ADAMTS13: variants seen among roughly 807,000 people sequenced by gnomAD.
ADAMTS13 encodes the protein ADAM metallopeptidase with thrombospondin type 1 motif 13, also known as A disintegrin and metalloproteinase with thrombospondin motifs 13.
ADAMTS13 carries 110 observed loss-of-function variants against 155.1 expected under a neutral mutation model. The observed-to-expected ratio is 0.71, with a 90% CI of 0.61 to 0.83. The LOEUF (loss-of-function observed/expected upper bound fraction) is 0.83. Ranked by LOEUF, ADAMTS13 falls within the 40% of genes least tolerant of loss-of-function variation. ADAMTS13 has a pLI of 0.00. For synonymous variants in ADAMTS13, 758 were observed against 756.4 expected, an observed-to-expected ratio of 1.00 and a Z score of -0.03; for missense variants, 1,707 against 1,891.7, an observed-to-expected ratio of 0.90 and a Z score of 1.81.
rs1840232693 is a variant in ADAMTS13, at chr9:133,425,662, G to A, written c.414+50G>A. ...ACACCATACAGAGCGGGAAGCCCAA[G>A]TCATCGCATCTCCATCCTCTTTAAC... is the stretch of plus-strand genomic sequence containing the variant. On this transcript the variant is annotated intron_variant, in intron 4 of 28. Coordinates refer to ENST00000355699, the MANE Select transcript of ADAMTS13 (RefSeq NM_139027.6). The surrounding 1 kb of genome is among the most constrained non-coding windows in gnomAD (Gnocchi z 4.6). 1.3e-6 allele frequency: 2 copies of A among 1,580,648 alleles called. No homozygotes were observed. The highest frequency in any genetic ancestry group is 2.3e-5 in the South Asian group (2 of 88,542).
intron 9 of ADAMTS13, among the ~76,000 whole-genome samples, chr9:133,432,998 T>C (rs1008001030): frequency 4.0e-5 from 6 of 150,248 alleles, no homozygotes; most frequent in South Asian, 2.1e-4. Flanking sequence ...GATCCCTGTG[T>C]AAGGGGTCCC....
chr9:133,417,686 G>A (rs1554781958), upstream of ADAMTS13: 1 of 1,614,082 alleles, frequency 6.2e-7, no homozygotes, highest in Non-Finnish European at 8.5e-7. Flanking sequence ...CCACAGCACC[G>A]GGGCCGCTTG....
chr9:133,432,601 C>T lies in ADAMTS13; in HGVS notation c.1001C>T (p.Ala334Val), dbSNP rs1554787771. The T allele has an allele frequency of 6.4e-7, 1 of 1,552,984 alleles. No individual in the cohort carries two copies. Among genetic ancestry groups the T allele is most frequent in the African/African-American group, 1.4e-5 (1 of 73,316 alleles). ...FAREHLDMCQALSCHTDPLDQ... is the reference protein window; with the variant it reads ...FAREHLDMCQVLSCHTDPLDQ... ...CCACCCTCCTAGGATATGTGCCAGG[C>T]CCTCTCCTGCCACACAGACCCGCTG... Residue 334 changes from alanine (A) to valine (V), a missense_variant, in exon 9 of 29, where the codon GCC becomes GTC. Ala to Val is a moderately conservative substitution (Grantham distance 64). This residue lies in a region of ADAMTS13 where 733 missense variants were observed against 749.6 expected (regional missense o/e 0.98). Coordinates refer to ENST00000355699, the MANE Select transcript of ADAMTS13 (RefSeq NM_139027.6).
intron 8 of ADAMTS13, chr9:133,430,327 A>G (rs1840658100): frequency 1.5e-6 from 1 of 686,530 alleles, no homozygotes; most frequent in African/African-American, 1.8e-5. Flanking sequence ...CAAATTATGT[A>G]GCTAGTCCTG....
intron 8 of ADAMTS13, among the ~76,000 whole-genome samples, chr9:133,431,017 G>A (rs892248940): frequency 1.3e-5 from 2 of 152,036 alleles, no homozygotes; most frequent in Non-Finnish European, 2.9e-5. Flanking sequence ...CCAGGGTGGA[G>A]TGCAGTAGCA....
intron 23 of ADAMTS13, among the ~76,000 whole-genome samples, chr9:133,450,380 C>T (rs782496833): frequency 4.3e-4 from 66 of 151,874 alleles, no homozygotes; most frequent in South Asian, 8.3e-4. Context: ...ACCAGCCTGT[C>T]CAACATACAG....
At position 133,436,842 on chromosome 9, in the gene ADAMTS13, C is replaced by G. The variant is rs902019660; in HGVS notation, c.1322C>G (p.Thr441Ser). 1 of 1,530,626 alleles carries G rather than the reference C, an allele frequency of 6.5e-7. No homozygotes were observed. The highest frequency in any genetic ancestry group is 8.8e-7 in the Non-Finnish European group (1 of 1,133,714). The allele number at this position is 1,530,626 out of a possible 1,614,324, so 94.8% of individuals were successfully genotyped here. The change falls in exon 12 of 29, where the codon ACC becomes AGC. Residue 441 changes from threonine (T) to serine (S), a missense_variant. Thr to Ser is a moderately conservative substitution (Grantham distance 58). Coordinates refer to ENST00000355699, the MANE Select transcript of ADAMTS13 (RefSeq NM_139027.6). ...CCTCCTGGCCAGGCCTGCGAGAAGA[C>G]CCAGCTGGAGTTCATGTCGCAACAG... Reference protein sequence around the residue: ...EMCNTQACEKTQLEFMSQQCA... With the variant: ...EMCNTQACEKSQLEFMSQQCA...
At chr9:133,414,674 G>A (rs1434155462) in intron 1 of ADAMTS13, 2 of 1,613,536 alleles carry the variant, frequency 1.2e-6, no homozygotes, top group African/African-American at 1.3e-5. Flanking sequence ...CTCGGTGGGT[G>A]GGGCTGGGGC....
Position 133,414,524 on chromosome 9 carries a change from A to G in ADAMTS13, n.167A>G, listed in dbSNP as rs782584857. The G allele has an allele frequency of 1.7e-5, 14 of 800,992 alleles. No individual in the cohort carries two copies. The Admixed American group carries it at 2.7e-4, about 15-fold the overall frequency. The allele number at this position is 800,992 out of a possible 1,614,324, so 49.6% of individuals were successfully genotyped here. On this transcript the variant is annotated non_coding_transcript_exon_variant, in exon 1 of 18. Transcript: ENST00000485925. ...CGCACACTCTAGGGGAAAACAAGTA[A>G]CAGCGAGTAAACAAAGGAACAGACG...
upstream of ADAMTS13, chr9:133,417,990 G>T: frequency 1.4e-6 from 1 of 707,822 alleles, no homozygotes; most frequent in Non-Finnish European, 2.3e-6. Flanking sequence ...CTCCGGAAGA[G>T]ACCCCGCACG....
At chr9:133,455,906 C>A in intron 25 of ADAMTS13, 163 bp from the exon 26 acceptor site, 1 of 923,412 alleles carries the variant, frequency 1.1e-6, no homozygotes, top group Non-Finnish European at 1.7e-6. Flanking sequence ...GATGCTCTGA[C>A]CTATGCAGCC....
Position 133,442,438 on chromosome 9 carries a change from C to T in ADAMTS13, c.2008C>T (p.Arg670Cys), listed in dbSNP as rs139214644. The T allele has an allele frequency of 2.0e-5, 32 of 1,613,910 alleles. No individual in the cohort carries two copies. The African/African-American group carries it at 2.7e-4, about 13-fold the overall frequency. ...RYGEEYGNLTRPDITFTYFQP... is the reference protein window; with the variant it reads ...RYGEEYGNLTCPDITFTYFQP... ...TGGCGAGGAGTATGGCAACCTCACC[C>T]GCCCAGACATCACCTTCACCTACTT... is the stretch of plus-strand genomic sequence containing the variant. The change falls in exon 17 of 29, where the codon CGC (arginine) becomes TGC (cysteine). Residue 670 changes from arginine to cysteine, a missense_variant. Physicochemically the swap from Arg to Cys is radical, Grantham distance 180 (BLOSUM62 -3). This residue lies in a region of ADAMTS13 where 961 missense variants were observed against 1,107.9 expected (regional missense o/e 0.87). Coordinates refer to ENST00000355699, the MANE Select transcript of ADAMTS13 (RefSeq NM_139027.6).
At chr9:133,419,456 G>T (rs1839855707), upstream of ADAMTS13, among the ~76,000 whole-genome samples, 1 of 152,204 alleles carries the variant, frequency 6.6e-6, no homozygotes, top group Non-Finnish European at 1.5e-5. Context: ...GTTGAAACAT[G>T]AACCTGGGTT....
In ADAMTS13 at chr9:133,448,614, G is replaced by A. The variant is rs942284362; in HGVS notation, c.2747G>A (p.Arg916His). Reference sequence around the variant, plus strand: ...GTCCACGCAGGTCTGATGGAGCTGCGTTTCCTGTGCATGGACTCTGCCCTC... The same window carrying A: ...GTCCACGCAGGTCTGATGGAGCTGCATTTCCTGTGCATGGACTCTGCCCTC... ...VSCGRGLMEL[R>H]FLCMDSALRV... The change falls in exon 22 of 29, where the codon CGT becomes CAT. Residue 916 changes from arginine to histidine, a missense_variant. This residue lies in a region of ADAMTS13 where 961 missense variants were observed against 1,107.9 expected (regional missense o/e 0.87). Coordinates refer to ENST00000355699, the MANE Select transcript of ADAMTS13 (RefSeq NM_139027.6). The A allele has an allele frequency of 3.4e-5, 54 of 1,610,324 alleles. No homozygotes were observed. The highest frequency in any genetic ancestry group is 5.3e-5 in the African/African-American group (4 of 74,928).
In ADAMTS13 at chr9:133,459,038, CAGAG is replaced by C. The variant is rs1842933719; in HGVS notation, c.3977_3980del (p.Glu1326AlafsTer13). 1 of 1,613,066 alleles carries C rather than the reference CAGAG, an allele frequency of 6.2e-7. No individual in the cohort carries two copies. The highest frequency in any genetic ancestry group is 8.5e-7 in the Non-Finnish European group (1 of 1,180,006). On this transcript the variant is annotated frameshift_variant, in exon 29 of 29. Coordinates refer to ENST00000355699, the MANE Select transcript of ADAMTS13 (RefSeq NM_139027.6). LOFTEE classifies it low-confidence loss of function (END_TRUNC). Reference sequence around the variant, plus strand: ...GGGCAGCAGGTGCTCTACTGGGAGTCAGAGAGCAGCCAGGCTGAGATGGAGTTCA... The same window carrying C: ...GGGCAGCAGGTGCTCTACTGGGAGTCAGCAGCCAGGCTGAGATGGAGTTCA...
intron 6 of ADAMTS13, among the ~76,000 whole-genome samples, chr9:133,427,521 AGG>A (rs1423140976): frequency 6.6e-6 from 1 of 152,082 alleles, no homozygotes; most frequent in Non-Finnish European, 1.5e-5. Flanking sequence ...GGGACAAGGC[AGG>A]GCTCCTTCTC....
At chr9:133,432,125 C>T (rs781786627) in intron 8 of ADAMTS13, among the ~76,000 whole-genome samples, 3 of 151,958 alleles carry the variant, frequency 2.0e-5, no homozygotes, top group African/African-American at 4.8e-5. Context: ...ATTAGCCGGG[C>T]GTGGTGGCGC....
In ADAMTS13 at chr9:133,436,813, G is replaced by A; in HGVS notation, c.1309-16G>A. 4.7e-6 allele frequency: 7 copies of A among 1,494,736 alleles called. No individual in the cohort carries two copies. The highest frequency in any genetic ancestry group is 6.2e-6 in the Non-Finnish European group (7 of 1,121,326). The allele number at this position is 1,494,736 out of a possible 1,614,324, so 92.6% of individuals were successfully genotyped here. ...CGCCCCACCGCCATCCCCCTCCTCTGCCTCCTCCTGGCCAGGCCTGCGAGA... is the reference window on the plus strand; with the variant it reads ...CGCCCCACCGCCATCCCCCTCCTCTACCTCCTCCTGGCCAGGCCTGCGAGA... On this transcript the variant is annotated splice_polypyrimidine_tract_variant and intron_variant, in intron 11 of 28. Transcript: ENST00000355699.
rs146073007 is a variant in ADAMTS13 at position 133,455,383 on chromosome 9, G to A, written c.3348G>A (p.Leu1116=). ...TGCCAGCTGATTTCTGCCAGCACTT[G>A]CCCAAGCCGGTGACTGTGCGTGGCT... is the stretch of plus-strand genomic sequence containing the variant. ...APVPADFCQH[L]PKPVTVRGCW... The change falls in exon 25 of 29, where the codon TTG becomes TTA. Residue 1116 remains leucine, a synonymous_variant. Transcript: ENST00000355699. 8.5e-5 allele frequency: 137 copies of A among 1,612,472 alleles called. 2 individuals are homozygous for A. The African/African-American group carries it at 1.4e-3, about 17-fold the overall frequency.
Sources: allele counts gnomAD v4.1 joint callset (sites outside exome capture counted in the v4.1 genomes callset), GRCh38; gene constraint gnomAD v4.1.1; regional missense constraint gnomAD v4.1.1; non-coding constraint Gnocchi (gnomAD v3.1); transcripts MANE v1.5; gene names NCBI Gene and HGNC (gene_info 2026-07-23, HGNC 2026-07-21).